The following VWA5A variants were observed in gnomAD, a reference collection of about 807,000 sequenced individuals.
VWA5A encodes the protein von Willebrand factor A domain-containing protein 5A.
VWA5A carries 77 observed loss-of-function variants against 84.6 expected under a neutral mutation model. The ratio of observed to expected loss-of-function variants is 0.91; its 90% CI spans 0.76 to 1.10. The LOEUF (loss-of-function observed/expected upper bound fraction) is 1.10. VWA5A is among the 50% of genes least tolerant of loss of function. The pLI is 0.00. For synonymous variants in VWA5A, 334 were observed against 350.1 expected, an observed-to-expected ratio of 0.95 and a Z score of 0.51; for missense variants, 973 against 963.0, an observed-to-expected ratio of 1.01 and a Z score of -0.14.
chr11:124,133,897 A>G (rs1251606566), intron 11 of VWA5A, among the ~76,000 whole-genome samples: 1 of 152,146 alleles, frequency 6.6e-6, no homozygotes, highest in African/African-American at 2.4e-5. Flanking sequence ...TTAGTCATCA[A>G]TATATTTTTG....
chr11:124,119,209 T>G lies in VWA5A; in HGVS notation c.760+120T>G, dbSNP rs114298364. 1,058 of 889,670 alleles carry G rather than the reference T, an allele frequency of 1.2e-3. 8 individuals are homozygous for G. In the African/African-American group the frequency reaches 0.014, roughly 12 times the overall value. The allele number at this position is 889,670 out of a possible 1,614,324, so 55.1% of individuals were successfully genotyped here. A position where few individuals can be genotyped will look rare whatever the true frequency, so the allele number is the denominator to read the frequency against. On this transcript the variant is annotated intron_variant, in intron 7 of 18. Coordinates refer to ENST00000456829, the MANE Select transcript of VWA5A (RefSeq NM_001130142.2). ...GGGGTGGTTAATACATGTGAAACAC[T>G]GAAATAGTTTACACTATGTCATGCA...
intron 13 of VWA5A, 130 bp from the exon 14 acceptor site, chr11:124,136,444 T>C: frequency 7.0e-7 from 1 of 1,424,658 alleles, no homozygotes; most frequent in Non-Finnish European, 9.6e-7. Flanking sequence ...GGTCTCCGGT[T>C]TCCTAGGCTA....
At chr11:124,118,881 G>A in intron 6 of VWA5A, 94 bp from the exon 7 acceptor site, 2 of 1,370,612 alleles carry the variant, frequency 1.5e-6, no homozygotes, top group Non-Finnish European at 1.0e-6. Flanking sequence ...TCCTAGTCAT[G>A]CTGTCTTATG....
chr11:124,124,620 T>C lies in VWA5A; in HGVS notation c.1244+304T>C, dbSNP rs146589827. ...TAGAGAAGTAAAACATGCTGAAAAC[T>C]ACACAAATTATAAGCATACAACTGG... On this transcript the variant is annotated intron_variant, in intron 11 of 18. Transcript: ENST00000456829. The C allele has an allele frequency of 6.2e-4, 644 of 1,030,830 alleles. 3 individuals carry two copies. The highest frequency in any genetic ancestry group is 3.2e-3 in the Admixed American group (64 of 20,032). The allele number at this position is 1,030,830 out of a possible 1,614,324, so 63.9% of individuals were successfully genotyped here. A position where few individuals can be genotyped will look rare whatever the true frequency, so the allele number is the denominator to read the frequency against.
Position 124,127,941 on chromosome 11 carries a change from A to T in VWA5A, c.1244+3625A>T, listed in dbSNP as rs185707096. ...TTTGTAAGATGGATAGATTGCAAAAATTTTCTCCCATTTTGTAGATTCCCT... is the reference window on the plus strand; with the variant it reads ...TTTGTAAGATGGATAGATTGCAAAATTTTTCTCCCATTTTGTAGATTCCCT... On this transcript the variant is annotated intron_variant, in intron 11 of 18. Coordinates refer to ENST00000456829, the MANE Select transcript of VWA5A (RefSeq NM_001130142.2). Among the ~76,000 whole-genome samples, 20 of 151,986 alleles carry T rather than the reference A, an allele frequency of 1.3e-4. No individual in the cohort carries two copies. In the East Asian group the frequency reaches 3.5e-3, roughly 27 times the overall value.
At chr11:124,132,764 T>G (rs533856601) in intron 11 of VWA5A, among the ~76,000 whole-genome samples, 5 of 152,168 alleles carry the variant, frequency 3.3e-5, no homozygotes, top group Non-Finnish European at 5.9e-5. Context: ...TCTGCTCGAA[T>G]CTATCTTTAT....
chr11:124,135,261 G>A (rs186019814), intron 12 of VWA5A, among the ~76,000 whole-genome samples: 1 of 152,328 alleles, frequency 6.6e-6, no homozygotes, highest in Non-Finnish European at 1.5e-5. Context: ...GTAGCTGCAA[G>A]CTCAGAGACA....
chr11:124,130,401 T>C (rs1345167049), intron 11 of VWA5A, among the ~76,000 whole-genome samples: 1 of 152,176 alleles, frequency 6.6e-6, no homozygotes, highest in Non-Finnish European at 1.5e-5. Context: ...CTTCCAATTA[T>C]GTGGTCAATT....
intron 8 of VWA5A, 74 bp downstream of exon 8, chr11:124,123,203 T>A: frequency 6.4e-7 from 1 of 1,553,370 alleles, no homozygotes; most frequent in Non-Finnish European, 8.7e-7. Context: ...AATAAGGGTC[T>A]ATCTGGAGCC....
chr11:124,124,115 A>G, intron 10 of VWA5A, 122 bp from the exon 11 acceptor site: 2 of 982,334 alleles, frequency 2.0e-6, no homozygotes, highest in Admixed American at 5.0e-5. Context: ...TAGGGATTTC[A>G]TGCCTCTTTG....
intron 15 of VWA5A, among the ~76,000 whole-genome samples, chr11:124,140,817 G>A (rs1052368459): frequency 4.6e-5 from 7 of 152,146 alleles, no homozygotes; most frequent in African/African-American, 1.7e-4. Context: ...CAAGTTTGTA[G>A]GCTCAAGTGA....
At chr11:124,129,110 T>C (rs1865061024) in intron 11 of VWA5A, among the ~76,000 whole-genome samples, 1 of 152,234 alleles carries the variant, frequency 6.6e-6, no homozygotes, top group African/African-American at 2.4e-5. Context: ...TGATATTGGC[T>C]GTGGGTTTGT....
chr11:124,129,837 T>A (rs1355521580), intron 11 of VWA5A, among the ~76,000 whole-genome samples: 1 of 152,186 alleles, frequency 6.6e-6, no homozygotes, highest in Non-Finnish European at 1.5e-5. Context: ...ATACTCCCTT[T>A]ATCACTTTTA....
At chr11:124,120,834 G>A (rs1864920716) in intron 7 of VWA5A, among the ~76,000 whole-genome samples, 1 of 152,244 alleles carries the variant, frequency 6.6e-6, no homozygotes, top group Non-Finnish European at 1.5e-5. Context: ...ACCAGAGAAA[G>A]TTCCATAATG....
chr11:124,138,266 A>C (rs11822357), intron 15 of VWA5A, among the ~76,000 whole-genome samples: 1,583 of 152,210 alleles, frequency 0.01, 25 homozygotes, highest in African/African-American at 0.036. Flanking sequence ...TAGTGCTGAT[A>C]TCTCTTTGAT....
At chr11:124,126,579 T>C (rs1243825570) in intron 11 of VWA5A, among the ~76,000 whole-genome samples, 1 of 152,022 alleles carries the variant, frequency 6.6e-6, no homozygotes, top group East Asian at 1.9e-4. Context: ...GCCAACATGG[T>C]GAAACCCTGT....
intron 7 of VWA5A, among the ~76,000 whole-genome samples, chr11:124,121,488 T>C (rs1268849124): frequency 1.3e-5 from 2 of 152,166 alleles, no homozygotes; most frequent in African/African-American, 4.8e-5. Flanking sequence ...TTTTGTGATT[T>C]TTTTTTTAGC....
Position 124,141,018 on chromosome 11 carries a change from G to T in VWA5A, c.1880-580G>T, listed in dbSNP as rs61460367. 2.0e-3 allele frequency among the ~76,000 whole-genome samples: 307 copies of T among 152,330 alleles called. 1 individual carries two copies. Among genetic ancestry groups the T allele is most frequent in the African/African-American group, 7.0e-3 (292 of 41,578 alleles). ...GAAGTTGAAGAAGCTTTGCATTAGG[G>T]TATTTTATAGGCTATCTACATGGGT... On this transcript the variant is annotated intron_variant, in intron 15 of 18. Coordinates refer to ENST00000456829, the MANE Select transcript of VWA5A (RefSeq NM_001130142.2).
chr11:124,139,311 T>G (rs1439091326), intron 15 of VWA5A, among the ~76,000 whole-genome samples: 2 of 151,540 alleles, frequency 1.3e-5, no homozygotes, highest in East Asian at 3.9e-4. Context: ...AATTTACGAT[T>G]TTTTAATGCT....
Sources: allele counts gnomAD v4.1 joint callset (sites outside exome capture counted in the v4.1 genomes callset), GRCh38; gene constraint gnomAD v4.1.1; transcripts MANE v1.5; gene names NCBI Gene and HGNC (gene_info 2026-07-23, HGNC 2026-07-21).